The following ATM variants were observed in gnomAD, a reference collection of about 807,000 sequenced individuals.
ATM encodes ATM serine/threonine kinase, also known as serine-protein kinase ATM.
Under a neutral mutation model 387.0 loss-of-function variants are expected in ATM, and 308 were observed. The observed-to-expected ratio is 0.80, with a 90% CI of 0.73 to 0.87. The LOEUF (loss-of-function observed/expected upper bound fraction) is 0.87. Ranked by LOEUF, ATM falls within the 40% of genes least tolerant of loss-of-function variation. The pLI is 0.00. For missense variants in ATM, 3,312 were observed against 3,560.9 expected (o/e 0.93, Z 1.78); for synonymous variants, 1,156 against 1,187.3 (o/e 0.97, Z 0.54).
At chr11:108,271,497 A>C in intron 20 of ATM, 91 bp downstream of exon 20, 1 of 1,397,456 alleles carries the variant, frequency 7.2e-7, no homozygotes, top group Non-Finnish European at 1.0e-6. Context: ...ATTTCTTCTG[A>C]TCTTCCTACA....
chr11:108,332,933 C>G (rs2086439495), intron 53 of ATM, 33 bp downstream of exon 53: 1 of 1,600,014 alleles, frequency 6.2e-7, no homozygotes, highest in Admixed American at 1.7e-5. Flanking sequence ...ACGTTACTTT[C>G]TTGCTGTGTT....
intron 61 of ATM, among the ~76,000 whole-genome samples, chr11:108,361,714 A>C (rs1212929605): frequency 1.3e-5 from 2 of 151,708 alleles, no homozygotes; most frequent in Non-Finnish European, 3.0e-5. Context: ...TCCCTATTTA[A>C]TAAATGGTGC....
chr11:108,224,876 G>C (rs1367506952), intron 1 of ATM: 2 of 152,268 alleles, frequency 1.3e-5, no homozygotes, highest in Admixed American at 6.5e-5. Context: ...ATGAGGGTAG[G>C]ATTTGTATCT....
At chr11:108,307,097 TC>T (rs1464913037) in intron 37 of ATM, among the ~76,000 whole-genome samples, 1 of 152,158 alleles carries the variant, frequency 6.6e-6, no homozygotes, top group Non-Finnish European at 1.5e-5. Context: ...CCTTTCCTGC[TC>T]TGATGACTAT....
intron 16 of ATM, among the ~76,000 whole-genome samples, chr11:108,266,635 T>C (rs903305398): frequency 2.0e-5 from 3 of 151,772 alleles, no homozygotes; most frequent in African/African-American, 7.3e-5. Context: ...TAAAGTGTAA[T>C]AAAAAAAATA....
Position 108,367,149 on chromosome 11 carries a change from G to A in ATM, c.*1641G>A, listed in dbSNP as rs978143944. On this transcript the variant is annotated 3_prime_UTR_variant, in exon 63 of 63. Transcript: ENST00000675843. The stretch of plus-strand genomic sequence containing the variant: ...ACTACAGGCGTGTGCCAACACGCCC[G>A]GCTAATTTTTTGTATTTTTATTAGA... 59 of 178,288 alleles carry A rather than the reference G, an allele frequency of 3.3e-4. No homozygotes were observed. Among genetic ancestry groups the A allele is most frequent in the African/African-American group, 1.2e-3 (52 of 42,244 alleles). The allele number at this position is 178,288 out of a possible 1,614,324, so 11.0% of individuals were successfully genotyped here. A position where few individuals can be genotyped will look rare whatever the true frequency, so the allele number is the denominator to read the frequency against.
At chr11:108,350,964 T>C (rs187904819) in intron 59 of ATM, among the ~76,000 whole-genome samples, 3 of 152,332 alleles carry the variant, frequency 2.0e-5, no homozygotes, top group African/African-American at 4.8e-5. Context: ...TATAAAAATG[T>C]TTATAGTAGC....
chr11:108,282,965 A>T, intron 25 of ATM, 86 bp downstream of exon 25: 1 of 850,530 alleles, frequency 1.2e-6, no homozygotes, highest in Non-Finnish European at 1.8e-6. Flanking sequence ...AGCAACACAC[A>T]TACCATACCC....
rs587781365 is a variant in ATM, at chr11:108,331,520, T to C, written c.7592T>C (p.Met2531Thr). The change falls in exon 51 of 63, where the codon ATG becomes ACG. Residue 2531 changes from methionine (M) to threonine (T), a missense_variant. By Grantham distance (81) the Met-to-Thr change is moderately conservative. This residue lies in a region of ATM where 1,405 missense variants were observed against 1,604.4 expected (regional missense o/e 0.88). Transcript: ENST00000675843. ...YQLAARMGTK[M>T]MGGLGFHEVL... ...TTGGCTGCTAGAATGGGGACCAAGA[T>C]GATGGGAGGCCTAGGATTTCATGAA... 4.9e-5 allele frequency: 79 copies of C among 1,613,264 alleles called. No homozygotes were observed. The highest frequency in any genetic ancestry group is 6.4e-5 in the Non-Finnish European group (76 of 1,179,734).
rs786203667 is a variant in ATM, at chr11:108,250,707, G to A, written c.1242G>A (p.Gln414=). The change falls in exon 10 of 63, where the codon CAG becomes CAA. Residue 414 remains glutamine (Q), a synonymous_variant. Coordinates refer to ENST00000675843, the MANE Select transcript of ATM (RefSeq NM_000051.4). ...CCTTTTTTTTTTTTTTTAGGCTACAGATTGCAACCCAATTAATATCAAAGT... is the reference window on the plus strand; with the variant it reads ...CCTTTTTTTTTTTTTTTAGGCTACAAATTGCAACCCAATTAATATCAAAGT... The part of the protein sequence containing the change: ...QNDFDLVPWL[Q]IATQLISKYP... The A allele has an allele frequency of 1.9e-6, 3 of 1,559,622 alleles. No individual in the cohort carries two copies. The East Asian group carries it at 6.8e-5, about 35-fold the overall frequency.
At position 108,368,419 on chromosome 11, in the gene ATM, TAA is replaced by T. The variant is rs1267795735; in HGVS notation, c.*2912_*2913del. On this transcript the variant is annotated 3_prime_UTR_variant, in exon 63 of 63. Coordinates refer to ENST00000675843, the MANE Select transcript of ATM (RefSeq NM_000051.4). ...TAATCATAGAATAGTTGTTGTATGC[TAA>T]GTCACTGACCCATATTATGTACAGC... 2 of 212,856 alleles carry T rather than the reference TAA, an allele frequency of 9.4e-6. No individual in the cohort carries two copies. The highest frequency in any genetic ancestry group is 1.9e-5 in the Non-Finnish European group (2 of 105,230). The allele number at this position is 212,856 out of a possible 1,614,324, so 13.2% of individuals were successfully genotyped here.
At chr11:108,236,242 G>A in intron 5 of ATM, 1 of 245,966 alleles carries the variant, frequency 4.1e-6, no homozygotes, top group Non-Finnish European at 8.0e-6. Flanking sequence ...AGAGAGGGAA[G>A]TACCATAAAA....
chr11:108,335,837 T>A lies in ATM; in HGVS notation c.8152-8T>A, dbSNP rs752705487. The A allele has an allele frequency of 6.2e-7, 1 of 1,607,438 alleles. No homozygotes were observed. Among genetic ancestry groups the A allele is most frequent in the African/African-American group, 1.3e-5 (1 of 74,772 alleles). On this transcript the variant is annotated splice_region_variant and splice_polypyrimidine_tract_variant and intron_variant, in intron 55 of 62. Transcript: ENST00000675843. ...GTACTTGTTTATTCATGCTTAATTA[T>A]TCTGAAGGGCCGTGATGACCTGAGA... is the stretch of plus-strand genomic sequence containing the variant.
At chr11:108,251,505 A>G (rs1167920731) in intron 10 of ATM, among the ~76,000 whole-genome samples, 2 of 152,182 alleles carry the variant, frequency 1.3e-5, no homozygotes, top group African/African-American at 4.8e-5. Flanking sequence ...TAGTCACCCT[A>G]CTGATGTATC....
chr11:108,304,911 T>C, intron 37 of ATM, 59 bp downstream of exon 37: 1 of 1,569,334 alleles, frequency 6.4e-7, no homozygotes, highest in Non-Finnish European at 8.7e-7. Context: ...AAAGATGGAT[T>C]TAAGATGGAA....
rs535371753 is a variant in ATM, at chr11:108,296,213, G to A, written c.4910-1074G>A. On this transcript the variant is annotated intron_variant, in intron 32 of 62. Transcript: ENST00000675843. ...CAGTATTTGGGAAACTTTCTACTTT[G>A]TGTTTTGATTTTCATCTTCCTATAC... is the stretch of plus-strand genomic sequence containing the variant. Among the ~76,000 whole-genome samples the A allele has an allele frequency of 2.3e-5, 3 of 132,798 alleles. No individual in the cohort carries two copies. The East Asian group carries it at 6.2e-4, about 27-fold the overall frequency. The allele number at this position is 132,798 out of a possible 152,430, so 87.1% of individuals were successfully genotyped here. A position where few individuals can be genotyped will look rare whatever the true frequency, so the allele number is the denominator to read the frequency against.
At position 108,267,233 on chromosome 11, in the gene ATM, TG is replaced by T; in HGVS notation, c.2531del (p.Gly844GlufsTer3). 6.2e-7 allele frequency: 1 copy of T among 1,614,164 alleles called. No homozygotes were observed. The highest frequency in any genetic ancestry group is 8.5e-7 in the Non-Finnish European group (1 of 1,180,002). The stretch of plus-strand genomic sequence containing the variant: ...TAGAATCAATGGAAGATGATACTAA[TG>T]GAAATCTAATGGAGGTGGAGGATCA... ...EVESMEDDTN[G>X]NLMEVEDQSS... is the part of the protein sequence containing the mutation. On this transcript the variant is annotated frameshift_variant, in exon 17 of 63. Transcript: ENST00000675843. LOFTEE classifies it high-confidence loss of function.
At chr11:108,316,753 C>CAAAAAAAAAAAA (rs58165074) in intron 42 of ATM, among the ~76,000 whole-genome samples, 2 of 72,380 alleles carry the variant, frequency 2.8e-5, no homozygotes, top group African/African-American at 5.5e-5. Flanking sequence ...ACTAAAAATA[C>CAAAAAAAAAAAA]AAAAAAAAAA....
rs576633037 is a variant in ATM, at chr11:108,227,206, G to C, written c.-30-389G>C. 21 of 167,924 alleles carry C rather than the reference G, an allele frequency of 1.3e-4. No individual in the cohort carries two copies. In the South Asian group the frequency reaches 2.9e-3, roughly 23 times the overall value. The allele number at this position is 167,924 out of a possible 1,614,324, so 10.4% of individuals were successfully genotyped here. A position where few individuals can be genotyped will look rare whatever the true frequency, so the allele number is the denominator to read the frequency against. ...ATTTTTGTATTTTTAGTAGAGACAG[G>C]GTTTCACCATGTTGGTCAGGCTGGT... On this transcript the variant is annotated intron_variant, in intron 1 of 62. Transcript: ENST00000675843.
Sources: allele counts gnomAD v4.1 joint callset (sites outside exome capture counted in the v4.1 genomes callset), GRCh38; gene constraint gnomAD v4.1.1; regional missense constraint gnomAD v4.1.1; transcripts MANE v1.5; gene names NCBI Gene and HGNC (gene_info 2026-07-23, HGNC 2026-07-21).